The following DSCAML1 variants were observed in gnomAD, a reference collection of about 807,000 sequenced individuals.
The protein encoded by DSCAML1 is cell adhesion molecule DSCAML1.
Under a neutral mutation model 200.5 loss-of-function variants are expected in DSCAML1, and 38 were observed. The ratio of observed to expected loss-of-function variants is 0.19; its 90% CI spans 0.15 to 0.25. The LOEUF (loss-of-function observed/expected upper bound fraction) is 0.25. Among genes scored for constraint, DSCAML1 ranks in the 10% least tolerant of loss-of-function variants. The pLI, the probability that DSCAML1 is intolerant of heterozygous loss-of-function variation, is 1.00. For synonymous variants in DSCAML1, 1,215 were observed against 1,165.0 expected (o/e 1.04, Z -0.87); for missense variants, 2,223 against 2,858.8 (o/e 0.78, Z 5.07).
At position 117,428,613 on chromosome 11, in the gene DSCAML1, C is replaced by T. The variant is rs559119644; in HGVS notation, c.5877G>A (p.Gly1959=). 6 of 1,607,646 alleles carry T rather than the reference C, an allele frequency of 3.7e-6. No homozygotes were observed. The African/African-American group carries it at 5.3e-5, about 14-fold the overall frequency. The change falls in exon 33 of 33, where the codon GGG becomes GGA. Residue 1959 remains glycine (G), a synonymous_variant. Transcript: ENST00000651296. Reference sequence around the variant, plus strand: ...TGGCTGTGGAGGCGGCAGCGGGGGCCCCTGGGTGGGGAAGGCCCAAGGACT... The same window carrying T: ...TGGCTGTGGAGGCGGCAGCGGGGGCTCCTGGGTGGGGAAGGCCCAAGGACT... ...ASKSLGLPHP[G]APAAASTATL...
chr11:117,595,400 T>C (rs572284807), intron 3 of DSCAML1, among the ~76,000 whole-genome samples: 12 of 152,366 alleles, frequency 7.9e-5, no homozygotes, highest in Non-Finnish European at 1.5e-4. Context: ...TATTTCCTTT[T>C]AGTCTTTTTT....
chr11:117,464,064 C>T lies in DSCAML1; in HGVS notation c.3265+878G>A, dbSNP rs542715807. On this transcript the variant is annotated intron_variant, in intron 17 of 32. Coordinates refer to ENST00000651296, the MANE Select transcript of DSCAML1 (RefSeq NM_020693.4). ...AAGGAATAGCTTTCTGATGGTGAAA[C>T]GCTTGGTCTCCTGATGGGAATAGGG... Among the ~76,000 whole-genome samples, 15 of 152,232 alleles carry T rather than the reference C, an allele frequency of 9.9e-5. No individual in the cohort carries two copies. The South Asian group carries it at 1.9e-3, about 19-fold the overall frequency.
intron 3 of DSCAML1, among the ~76,000 whole-genome samples, chr11:117,580,663 C>T (rs969189222): frequency 1.3e-5 from 2 of 152,064 alleles, no homozygotes; most frequent in African/African-American, 2.4e-5. Flanking sequence ...GGATTTCCTT[C>T]TCTCTCTCTC....
chr11:117,797,937 A>G (rs12282017), upstream of DSCAML1, among the ~76,000 whole-genome samples: 4,280 of 152,228 alleles, frequency 0.028, 214 homozygotes, highest in African/African-American at 0.098. Context: ...ACTCATCTTT[A>G]TGAAGTTGGC....
chr11:117,774,287 G>T (rs74835404), intron 3 of DSCAML1, among the ~76,000 whole-genome samples: 1 of 152,122 alleles, frequency 6.6e-6, no homozygotes, highest in African/African-American at 2.4e-5. Flanking sequence ...ATCCAGTTCC[G>T]GCCCGTGGGA....
Position 117,481,160 on chromosome 11 carries a change from G to T in DSCAML1, c.2656+14C>A, listed in dbSNP as rs1435497028. The T allele has an allele frequency of 1.2e-6, 2 of 1,612,414 alleles. No homozygotes were observed. Among genetic ancestry groups the T allele is most frequent in the African/African-American group, 1.3e-5 (1 of 74,822 alleles). The stretch of plus-strand genomic sequence containing the variant: ...GGGGAGGTGGGATGGGAAGGGTGGG[G>T]CAGGTGAAGGTACCTTGCACAGTGA... On this transcript the variant is annotated intron_variant, in intron 13 of 32. Transcript: ENST00000651296.
intron 3 of DSCAML1, among the ~76,000 whole-genome samples, chr11:117,619,252 T>C (rs1265395807): frequency 6.6e-6 from 1 of 152,242 alleles, no homozygotes; most frequent in Non-Finnish European, 1.5e-5. Context: ...GAAACAGCCT[T>C]GCTACTGCAT....
chr11:117,677,005 C>T (rs1005368348), intron 3 of DSCAML1, among the ~76,000 whole-genome samples: 1 of 151,676 alleles, frequency 6.6e-6, no homozygotes, highest in Non-Finnish European at 1.5e-5. Flanking sequence ...GACCCCTGAT[C>T]AGTGATGGAC....
At chr11:117,763,963 C>T (rs988840602) in intron 3 of DSCAML1, among the ~76,000 whole-genome samples, 1 of 152,132 alleles carries the variant, frequency 6.6e-6, no homozygotes, top group Non-Finnish European at 1.5e-5. Context: ...ATGGGTGTCC[C>T]CCACCTCTCA....
intron 3 of DSCAML1, among the ~76,000 whole-genome samples, chr11:117,713,709 AG>A (rs2053894724): frequency 1.3e-5 from 2 of 152,246 alleles, no homozygotes; most frequent in African/African-American, 4.8e-5. Context: ...TCACCAGTTC[AG>A]ATGTGTCCCC....
chr11:117,800,376 C>T (rs7947524), upstream of DSCAML1, among the ~76,000 whole-genome samples: 66,943 of 152,052 alleles, frequency 0.44, 14,939 homozygotes, highest in Middle Eastern at 0.51. Flanking sequence ...GGGACAGTTC[C>T]CAAAATTATA....
At chr11:117,675,155 T>C (rs1006949238) in intron 3 of DSCAML1, among the ~76,000 whole-genome samples, 1 of 152,222 alleles carries the variant, frequency 6.6e-6, no homozygotes, top group South Asian at 2.1e-4. Flanking sequence ...AGTTAACATA[T>C]GTGAAGAACT....
intron 11 of DSCAML1, among the ~76,000 whole-genome samples, chr11:117,492,727 G>T (rs886533182): frequency 1.3e-4 from 20 of 152,206 alleles, no homozygotes; most frequent in Non-Finnish European, 1.9e-4. Flanking sequence ...GGTCGGCGGG[G>T]CGGGTGGGAG....
intron 3 of DSCAML1, among the ~76,000 whole-genome samples, chr11:117,776,519 G>A (rs937189732): frequency 2.6e-5 from 4 of 152,080 alleles, no homozygotes; most frequent in Non-Finnish European, 5.9e-5. Context: ...AAAGGATGGG[G>A]CTTCCACTGC....
At chr11:117,672,102 G>GGAAAAAAAAAAAAAAA (rs1555196987) in intron 3 of DSCAML1, among the ~76,000 whole-genome samples, 1 of 94,508 alleles carries the variant, frequency 1.1e-5, no homozygotes, top group South Asian at 3.6e-4. Context: ...CTCCAGCTCA[G>GGAAAAAAAAAAAAAAA]AAAAAAAAAA....
chr11:117,583,338 C>T (rs944551788), intron 3 of DSCAML1, among the ~76,000 whole-genome samples: 1 of 152,194 alleles, frequency 6.6e-6, no homozygotes, highest in African/African-American at 2.4e-5. Flanking sequence ...TACCCCTCTG[C>T]TCAAGATCCT....
chr11:117,499,973 A>G (rs544488186), intron 11 of DSCAML1, among the ~76,000 whole-genome samples: 1 of 152,342 alleles, frequency 6.6e-6, no homozygotes, highest in African/African-American at 2.4e-5. Context: ...AACTCTACAT[A>G]GAAAGAAAAC....
intron 3 of DSCAML1, among the ~76,000 whole-genome samples, chr11:117,714,703 G>C (rs1399700189): frequency 6.6e-6 from 1 of 151,810 alleles, no homozygotes; most frequent in Non-Finnish European, 1.5e-5. Flanking sequence ...TATAATCCCA[G>C]GTACTCGGGA....
At chr11:117,543,042 AG>A (rs2137370962) in intron 3 of DSCAML1, among the ~76,000 whole-genome samples, 1 of 152,308 alleles carries the variant, frequency 6.6e-6, no homozygotes, top group Admixed American at 6.5e-5. Context: ...CCCTCTCACT[AG>A]CCAGGGCCAC....
Sources: allele counts gnomAD v4.1 joint callset (sites outside exome capture counted in the v4.1 genomes callset), GRCh38; gene constraint gnomAD v4.1.1; transcripts MANE v1.5; gene names NCBI Gene and HGNC (gene_info 2026-07-23, HGNC 2026-07-21).